IL1RAPL1: variants seen among roughly 807,000 people sequenced by gnomAD.
The protein encoded by IL1RAPL1 is interleukin-1 receptor accessory protein-like 1.
IL1RAPL1 carries 3 observed loss-of-function variants against 48.4 expected under a neutral mutation model. The observed-to-expected ratio is 0.06, with a 90% CI of 0.03 to 0.16. The LOEUF is 0.16. IL1RAPL1 is among the 10% of genes least tolerant of loss of function. The probability of loss-of-function intolerance (pLI) is 1.00; values close to 1 mark genes in which losing one functional copy is unlikely to be tolerated. For missense variants in IL1RAPL1, 349 were observed against 530.6 expected, an observed-to-expected ratio of 0.66 and a Z score of 3.36; for synonymous variants, 185 against 187.7, an observed-to-expected ratio of 0.99 and a Z score of 0.12.
At chrX:29,401,368 A>G (rs1369716940) in intron 5 of IL1RAPL1, among the ~76,000 whole-genome samples, 2 of 111,556 alleles carry the variant, frequency 1.8e-5, no homozygotes, top group African/African-American at 6.5e-5. Context: ...TAAGAACAGT[A>G]TATACTAAAA....
intron 6 of IL1RAPL1, among the ~76,000 whole-genome samples, chrX:29,679,987 AG>A (rs1294768587): frequency 1.8e-5 from 2 of 112,245 alleles, no homozygotes; most frequent in Non-Finnish European, 3.8e-5. Context: ...ATAATTTAGA[AG>A]GGAAATAATC....
chrX:29,671,586 C>CT (rs1926143183), intron 6 of IL1RAPL1, among the ~76,000 whole-genome samples: 2 of 112,097 alleles, frequency 1.8e-5, no homozygotes, highest in Non-Finnish European at 3.8e-5. Flanking sequence ...GTGAATAGCA[C>CT]TTTTTTGGGC....
intron 6 of IL1RAPL1, among the ~76,000 whole-genome samples, chrX:29,782,327 T>G (rs754318792): frequency 1.8e-4 from 20 of 111,736 alleles, no homozygotes; most frequent in African/African-American, 6.5e-4. Context: ...AAGTTCTATG[T>G]CTTATGAGAG....
chrX:29,632,179 C>T (rs1280575009), intron 5 of IL1RAPL1, among the ~76,000 whole-genome samples: 11 of 107,661 alleles, frequency 1.0e-4, no homozygotes, highest in African/African-American at 3.7e-4. Context: ...GACAGAGTCT[C>T]ACTCTGTTGC....
chrX:29,087,578 T>A (rs1456018218), intron 2 of IL1RAPL1, among the ~76,000 whole-genome samples: 1 of 112,345 alleles, frequency 8.9e-6, no homozygotes, highest in Non-Finnish European at 1.9e-5. Flanking sequence ...AGCTTGTTTT[T>A]CAATAAGTCA....
At chrX:28,832,750 T>A (rs951908973) in intron 2 of IL1RAPL1, among the ~76,000 whole-genome samples, 35 of 109,300 alleles carry the variant, frequency 3.2e-4, no homozygotes, top group East Asian at 5.7e-4. Context: ...TTTTTTTTTT[T>A]AAAACCTTAG....
intron 1 of IL1RAPL1, among the ~76,000 whole-genome samples, chrX:28,603,698 AAAAG>A (rs1934051963): frequency 8.9e-6 from 1 of 112,128 alleles, no homozygotes; most frequent in Non-Finnish European, 1.9e-5. Flanking sequence ...AGAAAGAAAG[AAAAG>A]AAAGAAGAAT....
chrX:29,084,665 T>C (rs1927913336), intron 2 of IL1RAPL1, among the ~76,000 whole-genome samples: 3 of 112,417 alleles, frequency 2.7e-5, no homozygotes, highest in African/African-American at 9.7e-5. Context: ...TGTGCAACAT[T>C]ATTTGGTATT....
At chrX:28,803,274 A>G (rs762483808) in intron 2 of IL1RAPL1, among the ~76,000 whole-genome samples, 14 of 111,896 alleles carry the variant, frequency 1.3e-4, no homozygotes, top group Admixed American at 2.9e-4. Context: ...ACTATTATAA[A>G]TAAGAGCTGC....
At chrX:29,405,599 C>A (rs1431099247) in intron 5 of IL1RAPL1, among the ~76,000 whole-genome samples, 2 of 105,794 alleles carry the variant, frequency 1.9e-5, no homozygotes, top group African/African-American at 7.5e-5. Context: ...ATCTCCTGAC[C>A]TCGTGATCCA....
intron 1 of IL1RAPL1, among the ~76,000 whole-genome samples, chrX:28,635,697 C>T (rs945910601): frequency 1.8e-5 from 2 of 111,670 alleles, no homozygotes; most frequent in Admixed American, 1.9e-4. Context: ...TATTGGGACA[C>T]AACCCCATTG....
chrX:28,763,792 T>C (rs1936203192), intron 1 of IL1RAPL1, among the ~76,000 whole-genome samples: 1 of 110,706 alleles, frequency 9.0e-6, no homozygotes, highest in Non-Finnish European at 1.9e-5. Context: ...TTTTTTTGTA[T>C]GCCATGGACT....
chrX:29,367,471 G>A (rs1182319190), intron 3 of IL1RAPL1, among the ~76,000 whole-genome samples: 1 of 111,895 alleles, frequency 8.9e-6, no homozygotes, highest in Non-Finnish European at 1.9e-5. Context: ...AAAACAAAGT[G>A]TCTAATGCCT....
chrX:29,395,527 T>G (rs1018218227), intron 3 of IL1RAPL1, among the ~76,000 whole-genome samples: 3 of 111,655 alleles, frequency 2.7e-5, no homozygotes, highest in Non-Finnish European at 5.6e-5. Flanking sequence ...ACTTGATTTA[T>G]GTACCAGGAA....
At chrX:29,431,282 A>G (rs986550055) in intron 5 of IL1RAPL1, among the ~76,000 whole-genome samples, 3 of 112,252 alleles carry the variant, frequency 2.7e-5, no homozygotes, top group African/African-American at 9.7e-5. Context: ...CATTAAAAAC[A>G]TTCACATCTT....
chrX:29,930,189 C>A lies in IL1RAPL1; in HGVS notation c.1057+10095C>A, dbSNP rs1299503111. Among the ~76,000 whole-genome samples, 3 of 112,036 alleles carry A rather than the reference C, an allele frequency of 2.7e-5. No homozygotes were observed. The Admixed American group carries it at 2.9e-4, about 11-fold the overall frequency. On this transcript the variant is annotated intron_variant, in intron 8 of 10. Coordinates refer to ENST00000378993, the MANE Select transcript of IL1RAPL1 (RefSeq NM_014271.4). Reference sequence around the variant, plus strand: ...TTATGTGAATATTCATAAACTGTTGCCAAAACTGATTATTATTTATGAAGA... The same window carrying A: ...TTATGTGAATATTCATAAACTGTTGACAAAACTGATTATTATTTATGAAGA...
chrX:29,000,419 T>G (rs1335620357), intron 2 of IL1RAPL1, among the ~76,000 whole-genome samples: 4 of 112,063 alleles, frequency 3.6e-5, no homozygotes, highest in Non-Finnish European at 5.6e-5. Context: ...CTGATGCTCT[T>G]TTATTGAATT....
At chrX:29,079,471 C>A (rs1424733952) in intron 2 of IL1RAPL1, among the ~76,000 whole-genome samples, 6 of 110,110 alleles carry the variant, frequency 5.4e-5, no homozygotes, top group Non-Finnish European at 1.1e-4. Context: ...AATGCAAAGA[C>A]CCTGAGTGTT....
intron 5 of IL1RAPL1, among the ~76,000 whole-genome samples, chrX:29,430,263 C>T (rs993018296): frequency 9.0e-6 from 1 of 111,184 alleles, no homozygotes; most frequent in African/African-American, 3.3e-5. Context: ...CCTTGTCTCA[C>T]CTACGACAGG....
Sources: allele counts gnomAD v4.1 joint callset (sites outside exome capture counted in the v4.1 genomes callset), GRCh38; gene constraint gnomAD v4.1.1; transcripts MANE v1.5; gene names NCBI Gene and HGNC (gene_info 2026-07-23, HGNC 2026-07-21).